The following PDE10A variants were observed in gnomAD, a reference collection of about 807,000 sequenced individuals.
PDE10A encodes cAMP and cAMP-inhibited cGMP 3',5'-cyclic phosphodiesterase 10A.
A neutral mutation model predicts 97.7 loss-of-function variants in PDE10A; 39 were observed. That is an observed-to-expected ratio of 0.40 (90% confidence interval 0.31 to 0.52). PDE10A has a LOEUF of 0.52. PDE10A is among the 20% of genes least tolerant of loss of function. The pLI is 0.56. For missense variants in PDE10A, 731 were observed against 1,047.8 expected (o/e 0.70, Z 4.17); for synonymous variants, 371 against 376.8 (o/e 0.98, Z 0.18).
chr6:165,847,543 G>C (rs1357628889), intron 1 of PDE10A, among the ~76,000 whole-genome samples: 1 of 152,260 alleles, frequency 6.6e-6, no homozygotes, highest in African/African-American at 2.4e-5. Flanking sequence ...CATGCAGGGA[G>C]GTAACCTGGT....
exon 1 of PDE10A, chr6:165,987,869 C>A (rs1186661213): frequency 7.9e-6 from 3 of 378,434 alleles, no homozygotes; most frequent in Non-Finnish European, 1.6e-5. Context: ...CTGCACCCAG[C>A]GCCTTGGGCG....
chr6:165,341,618 A>C (rs544740457), intron 19 of PDE10A, among the ~76,000 whole-genome samples: 29 of 152,242 alleles, frequency 1.9e-4, no homozygotes, highest in African/African-American at 6.5e-4. Flanking sequence ...GGATTCATTT[A>C]TGTTAACATG....
At chr6:165,761,478 T>C (rs1318403832) in intron 1 of PDE10A, among the ~76,000 whole-genome samples, 2 of 152,186 alleles carry the variant, frequency 1.3e-5, no homozygotes, top group African/African-American at 2.4e-5. Flanking sequence ...GCTGGGCCCA[T>C]CAAATTTTTG....
intron 1 of PDE10A, among the ~76,000 whole-genome samples, chr6:165,975,797 G>A (rs1333157805): frequency 6.6e-6 from 1 of 152,162 alleles, no homozygotes; most frequent in African/African-American, 2.4e-5. Flanking sequence ...AGAAATATTT[G>A]GTAGTAGGGA....
intron 1 of PDE10A, among the ~76,000 whole-genome samples, chr6:165,943,283 G>GAAAAAGAAAGAAAGA (rs1480734909): frequency 8.2e-6 from 1 of 121,300 alleles, no homozygotes; most frequent in African/African-American, 3.3e-5. Context: ...AGGAAAGAAA[G>GAAAAAGAAAGAAAGA]AAAGAAAGAA....
At chr6:165,374,012 T>C (rs1311440040) in intron 18 of PDE10A, among the ~76,000 whole-genome samples, 1 of 138,656 alleles carries the variant, frequency 7.2e-6, no homozygotes, top group Non-Finnish European at 1.5e-5. Context: ...TTCTCACTCA[T>C]AGATGGGAAT....
chr6:165,962,232 A>C (rs1288506444), intron 1 of PDE10A, among the ~76,000 whole-genome samples: 2 of 152,246 alleles, frequency 1.3e-5, no homozygotes, highest in Admixed American at 1.3e-4. Context: ...CCTTTAATCC[A>C]TATCACAGGA....
chr6:165,525,400 A>T (rs562894694), intron 2 of PDE10A, among the ~76,000 whole-genome samples: 1 of 152,240 alleles, frequency 6.6e-6, no homozygotes, highest in East Asian at 1.9e-4. Flanking sequence ...TAGTTGAAAT[A>T]TGCATTAAAA....
chr6:165,943,214 A>G lies in PDE10A; in HGVS notation c.-615+44315T>C, dbSNP rs868548182. Reference sequence around the variant, plus strand: ...AAGAAAGAAAGAAAGAAAGAAAGAAAGAAAGAAAGAAAGAAAGAAAGAAGG... The same window carrying G: ...AAGAAAGAAAGAAAGAAAGAAAGAAGGAAAGAAAGAAAGAAAGAAAGAAGG... On this transcript the variant is annotated intron_variant, in intron 1 of 19. Transcript: ENST00000366882. Among the ~76,000 whole-genome samples the G allele has an allele frequency of 1.5e-3, 125 of 85,892 alleles. 1 individual carries two copies. The highest frequency in any genetic ancestry group is 9.5e-3 in the East Asian group (39 of 4,096). The allele number at this position is 85,892 out of a possible 152,430, so 56.3% of individuals were successfully genotyped here. A position where few individuals can be genotyped will look rare whatever the true frequency, so the allele number is the denominator to read the frequency against.
rs1791831195 is a variant in PDE10A, at chr6:165,709,462, T to C, written c.-614-165894A>G. 4.8e-5 allele frequency among the ~76,000 whole-genome samples: 4 copies of C among 82,704 alleles called. No homozygotes were observed. The South Asian group carries it at 2.6e-3, about 53-fold the overall frequency. The allele number at this position is 82,704 out of a possible 152,430, so 54.3% of individuals were successfully genotyped here. On this transcript the variant is annotated intron_variant, in intron 1 of 19. Coordinates refer to the PDE10A transcript ENST00000366882. ...CCTCCCACTCCCCACTCCCATGCTT[T>C]TGGGCTCCCTCCACTCTCCACCCCC...
chr6:165,669,188 A>G (rs1268316587), intron 1 of PDE10A, among the ~76,000 whole-genome samples: 2 of 152,226 alleles, frequency 1.3e-5, no homozygotes, highest in Admixed American at 1.3e-4. Context: ...AACTCACAGA[A>G]GCCAAAAGAT....
At chr6:165,611,433 A>T (rs903362677) in intron 1 of PDE10A, among the ~76,000 whole-genome samples, 1 of 152,230 alleles carries the variant, frequency 6.6e-6, no homozygotes. Flanking sequence ...GAGCCTTACC[A>T]TGGTGGAATC....
intron 1 of PDE10A, among the ~76,000 whole-genome samples, chr6:165,638,704 G>A (rs1041149411): frequency 6.6e-6 from 1 of 152,056 alleles, no homozygotes; most frequent in Non-Finnish European, 1.5e-5. Flanking sequence ...AGTTAAGTTC[G>A]TCATCCCAAG....
intron 5 of PDE10A, among the ~76,000 whole-genome samples, chr6:165,442,375 T>C (rs1273132673): frequency 3.3e-5 from 5 of 151,914 alleles, no homozygotes; most frequent in African/African-American, 1.2e-4. Context: ...TTCCCACCTA[T>C]GAGTGAGAAC....
intron 1 of PDE10A, among the ~76,000 whole-genome samples, chr6:165,749,245 TCACCATCATCACCATTAC>T (rs1792920207): frequency 1.4e-5 from 1 of 71,316 alleles, no homozygotes; most frequent in African/African-American, 5.1e-5. Flanking sequence ...CACCATCACA[TCACCATCATCACCATTAC>T]CACCATCATC....
At chr6:165,888,595 A>G (rs1781694956) in intron 1 of PDE10A, among the ~76,000 whole-genome samples, 1 of 152,020 alleles carries the variant, frequency 6.6e-6, no homozygotes, top group Admixed American at 6.5e-5. Context: ...GCTTTTTTTC[A>G]GTTGCCTATT....
At chr6:165,707,448 T>C (rs1012869346) in intron 1 of PDE10A, among the ~76,000 whole-genome samples, 3 of 152,212 alleles carry the variant, frequency 2.0e-5, no homozygotes, top group African/African-American at 4.8e-5. Context: ...CACCTCAAGG[T>C]GTTGAGAAAC....
intron 1 of PDE10A, among the ~76,000 whole-genome samples, chr6:165,850,240 C>G (rs1780538772): frequency 6.6e-6 from 1 of 152,230 alleles, no homozygotes; most frequent in African/African-American, 2.4e-5. Context: ...GCCAAGGCTT[C>G]AGCCCCCACG....
At chr6:165,886,591 A>G (rs1253172790) in intron 1 of PDE10A, among the ~76,000 whole-genome samples, 2 of 152,250 alleles carry the variant, frequency 1.3e-5, no homozygotes, top group Non-Finnish European at 2.9e-5. Flanking sequence ...AGAAATCAGA[A>G]GGAAACAAAA....
Sources: gnomAD v4.1 joint callset for allele counts (sites outside exome capture counted in the v4.1 genomes callset) on GRCh38, gnomAD v4.1.1 for gene constraint, MANE v1.5 for transcripts, NCBI Gene and HGNC (gene_info 2026-07-23, HGNC 2026-07-21) for gene names.